The following TTC38 variants were observed in gnomAD, a reference collection of about 807,000 sequenced individuals.
TTC38 encodes the protein tetratricopeptide repeat protein 38.
TTC38 carries 64 observed loss-of-function variants against 64.2 expected under a neutral mutation model. That is an observed-to-expected ratio of 1.00 (90% CI 0.81 to 1.23). The LOEUF is 1.23. TTC38 is among the 50% of genes most tolerant of loss of function. TTC38 has a pLI of 0.00. For synonymous variants in TTC38, 254 were observed against 249.3 expected (o/e 1.02, Z -0.18); for missense variants, 573 against 615.5 (o/e 0.93, Z 0.73).
In TTC38 at chr22:46,268,027, G is replaced by C. The variant is rs1936797763; in HGVS notation, c.-13G>C. 2.0e-6 allele frequency: 3 copies of C among 1,534,842 alleles called. No individual in the cohort carries two copies. The highest frequency in any genetic ancestry group is 2.8e-5 in the African/African-American group (2 of 71,306). On this transcript the variant is annotated 5_prime_UTR_variant, in exon 1 of 14. Transcript: ENST00000381031. ...GTGCCCAGAGCTCGCGGTGGACTCCGACCCGGCGCAACATGGCCGCAGCCT... is the reference window on the plus strand; with the variant it reads ...GTGCCCAGAGCTCGCGGTGGACTCCCACCCGGCGCAACATGGCCGCAGCCT...
At chr22:46,289,632 A>T in intron 12 of TTC38, 71 bp downstream of exon 12, 1 of 1,527,730 alleles carries the variant, frequency 6.5e-7, no homozygotes, top group Middle Eastern at 2.1e-4. Context: ...GCAGCCCCCA[A>T]GTTTCTCCCA....
intron 11 of TTC38, among the ~76,000 whole-genome samples, 198 bp downstream of exon 11, chr22:46,288,786 C>T (rs2077590674): frequency 6.6e-6 from 1 of 152,198 alleles, no homozygotes; most frequent in Non-Finnish European, 1.5e-5. Context: ...TGTGTACACC[C>T]ACAGCTGTAC....
In TTC38 at chr22:46,291,872, C is replaced by T. The variant is rs372878137; in HGVS notation, c.1317-919C>T. Among the ~76,000 whole-genome samples, 207 of 152,294 alleles carry T rather than the reference C, an allele frequency of 1.4e-3. No homozygotes were observed. Among genetic ancestry groups the T allele is most frequent in the African/African-American group, 4.7e-3 (194 of 41,560 alleles). ...TCGGGAGCCTGAGGCAGGAGAATCG[C>T]TTGAACCTGGGAGGTGGAGGTTGCA... On this transcript the variant is annotated intron_variant, in intron 13 of 13. Transcript: ENST00000381031. This position sits in a 1 kb window ranked among gnomAD's most constrained non-coding sequence, Gnocchi z 4.6.
chr22:46,290,117 C>T (rs995190374), intron 13 of TTC38, among the ~76,000 whole-genome samples: 1 of 152,236 alleles, frequency 6.6e-6, no homozygotes, highest in African/African-American at 2.4e-5. Context: ...CCACCCTTCC[C>T]AGCCCACTCC....
intron 5 of TTC38, among the ~76,000 whole-genome samples, chr22:46,277,438 C>G (rs866506365): frequency 6.6e-6 from 1 of 152,142 alleles, no homozygotes; most frequent in African/African-American, 2.4e-5. Context: ...AACCCCGTCT[C>G]TACTAAAAAT....
At position 46,289,491 on chromosome 22, in the gene TTC38, C is replaced by G. The variant is rs769595294; in HGVS notation, c.1172C>G (p.Pro391Arg). 6.2e-6 allele frequency: 10 copies of G among 1,608,712 alleles called. No individual in the cohort carries two copies. In the East Asian group the frequency reaches 2.0e-4, roughly 32 times the overall value. Residue 391 changes from proline (P) to arginine (R), a missense_variant, in exon 12 of 14, where the codon CCT (proline) becomes CGT (arginine). Around this residue, in one of 3 missense-constraint regions of TTC38, gnomAD observed 371 missense variants for 381.8 expected, o/e 0.97. Coordinates refer to ENST00000381031, the MANE Select transcript of TTC38 (RefSeq NM_017931.4). ...CTGGTGGAGGCTGAGGACGGGAACC[C>G]TGACCGCGTCCTGGAGCTGCTCCTG... ...QALVEAEDGNPDRVLELLLPI... is the reference protein window; with the variant it reads ...QALVEAEDGNRDRVLELLLPI...
Position 46,284,868 on chromosome 22 carries a change from C to CA in TTC38, c.796-351dup, listed in dbSNP as rs130641. On this transcript the variant is annotated intron_variant, in intron 8 of 13. Transcript: ENST00000381031. The stretch of plus-strand genomic sequence containing the variant: ...TGGGTGACAGAGTGAGACCCCATCT[C>CA]AAAAAAAAAAAAAAAAAAAAAAGAA... Among the ~76,000 whole-genome samples the CA allele has an allele frequency of 6.4e-3, 483 of 75,128 alleles. 4 individuals are homozygous for CA. The highest frequency in any genetic ancestry group is 0.013 in the African/African-American group (229 of 17,598). The allele number at this position is 75,128 out of a possible 152,430, so 49.3% of individuals were successfully genotyped here.
intron 6 of TTC38, chr22:46,280,201 AGCCAGG>A (rs2077523666): frequency 2.1e-6 from 1 of 470,986 alleles, no homozygotes; most frequent in Admixed American, 2.4e-5. Context: ...GGGTAGGAGG[AGCCAGG>A]GCAGGAGCAG....
At chr22:46,269,046 C>T (rs549544166) in intron 2 of TTC38, 158 of 384,270 alleles carry the variant, frequency 4.1e-4, no homozygotes, top group Middle Eastern at 2.2e-3. Flanking sequence ...CACATCTGTG[C>T]ACTTTGTACT....
intron 8 of TTC38, among the ~76,000 whole-genome samples, chr22:46,284,641 G>A (rs1259108560): frequency 6.6e-6 from 1 of 152,046 alleles, no homozygotes; most frequent in Non-Finnish European, 1.5e-5. Flanking sequence ...CACTTTGAGA[G>A]GCCAAGGCAG....
rs1569016082 is a variant in TTC38 at position 46,275,193 on chromosome 22, C to T, written c.366-55C>T. ...TGAGAAACAATGCCTCTTACACTCC[C>T]TGTGTGGGTGGACTATGTGTTCAGC... On this transcript the variant is annotated intron_variant, in intron 4 of 13. Transcript: ENST00000381031. The surrounding 1 kb of genome is among the most constrained non-coding windows in gnomAD (Gnocchi z 4.5). 3 of 1,532,748 alleles carry T rather than the reference C, an allele frequency of 2.0e-6. No individual in the cohort carries two copies. Among genetic ancestry groups the T allele is most frequent in the African/African-American group, 1.4e-5 (1 of 72,944 alleles). The allele number at this position is 1,532,748 out of a possible 1,614,324, so 94.9% of individuals were successfully genotyped here. A position where few individuals can be genotyped will look rare whatever the true frequency, so the allele number is the denominator to read the frequency against.
rs758531013 is a variant in TTC38 at position 46,268,038 on chromosome 22, A to G, written c.-2A>G. On this transcript the variant is annotated 5_prime_UTR_variant, in exon 1 of 14. Coordinates refer to ENST00000381031, the MANE Select transcript of TTC38 (RefSeq NM_017931.4). ...TCGCGGTGGACTCCGACCCGGCGCAACATGGCCGCAGCCTCGCCTCTGCGC... is the reference window on the plus strand; with the variant it reads ...TCGCGGTGGACTCCGACCCGGCGCAGCATGGCCGCAGCCTCGCCTCTGCGC... The G allele has an allele frequency of 2.4e-5, 37 of 1,540,966 alleles. No individual in the cohort carries two copies. Among genetic ancestry groups the G allele is most frequent in the Non-Finnish European group, 3.0e-5 (35 of 1,150,084 alleles).
chr22:46,288,875 C>T (rs538748773), intron 11 of TTC38, among the ~76,000 whole-genome samples: 2 of 152,234 alleles, frequency 1.3e-5, no homozygotes, highest in African/African-American at 2.4e-5. Context: ...GGCTGCCTCC[C>T]GTGGAGAGGA....
rs1937001992 is a variant in TTC38 at position 46,276,084 on chromosome 22, A to G, written c.539+663A>G. ...AATAGTTGTGAGGTTCGGACAGGTT[A>G]ATAAGCTGTATTATTTAGTCAGCAC... On this transcript the variant is annotated intron_variant, in intron 5 of 13. Transcript: ENST00000381031. This position sits in a 1 kb window ranked among gnomAD's most constrained non-coding sequence, Gnocchi z 4.7. 1.3e-5 allele frequency among the ~76,000 whole-genome samples: 2 copies of G among 151,606 alleles called. No homozygotes were observed. Among genetic ancestry groups the G allele is most frequent in the African/African-American group, 4.8e-5 (2 of 41,402 alleles).
At chr22:46,288,682 C>T in intron 11 of TTC38, 94 bp downstream of exon 11, 4 of 1,305,980 alleles carry the variant, frequency 3.1e-6, no homozygotes, top group Non-Finnish European at 4.2e-6. Context: ...CAGTGCCTGC[C>T]CCGCCTGTGA....
rs1458510487 is a variant in TTC38 at position 46,274,601 on chromosome 22, T to A, written c.365+532T>A. Among the ~76,000 whole-genome samples the A allele has an allele frequency of 6.6e-6, 1 of 152,204 alleles. No homozygotes were observed. The highest frequency in any genetic ancestry group is 2.4e-5 in the African/African-American group (1 of 41,456). On this transcript the variant is annotated intron_variant, in intron 4 of 13. Transcript: ENST00000381031. This position sits in a 1 kb window ranked among gnomAD's most constrained non-coding sequence, Gnocchi z 4.8. The stretch of plus-strand genomic sequence containing the variant: ...GCCGATTGTGCAGGGACTCAGGGAT[T>A]CCGAACCCTGAGACTGGGGAGGTGC...
intron 13 of TTC38, among the ~76,000 whole-genome samples, 174 bp downstream of exon 13, chr22:46,290,073 C>T (rs111620880): frequency 6.6e-6 from 1 of 152,186 alleles, no homozygotes; most frequent in South Asian, 2.1e-4. Context: ...TCAGTGTGAC[C>T]AAGTGGAGCC....
In TTC38 at chr22:46,291,927, G is replaced by A. The variant is rs2077619213; in HGVS notation, c.1317-864G>A. Among the ~76,000 whole-genome samples the A allele has an allele frequency of 6.6e-6, 1 of 152,210 alleles. No individual in the cohort carries two copies. Among genetic ancestry groups the A allele is most frequent in the East Asian group, 1.9e-4 (1 of 5,180 alleles). On this transcript the variant is annotated intron_variant, in intron 13 of 13. Coordinates refer to ENST00000381031, the MANE Select transcript of TTC38 (RefSeq NM_017931.4). This position sits in a 1 kb window ranked among gnomAD's most constrained non-coding sequence, Gnocchi z 4.6. ...GCCGAGATCGCGTCATTGCACTCCAGCCTGAGTGACCGAGGGAGATTCTAT... is the reference window on the plus strand; with the variant it reads ...GCCGAGATCGCGTCATTGCACTCCAACCTGAGTGACCGAGGGAGATTCTAT...
rs955033195 is a variant in TTC38 at position 46,276,751 on chromosome 22, C to T, written c.539+1330C>T. Among the ~76,000 whole-genome samples the T allele has an allele frequency of 2.2e-5, 3 of 137,348 alleles. No homozygotes were observed. Among genetic ancestry groups the T allele is most frequent in the African/African-American group, 2.8e-5 (1 of 35,824 alleles). The allele number at this position is 137,348 out of a possible 152,430, so 90.1% of individuals were successfully genotyped here. On this transcript the variant is annotated intron_variant, in intron 5 of 13. Coordinates refer to ENST00000381031, the MANE Select transcript of TTC38 (RefSeq NM_017931.4). This position sits in a 1 kb window ranked among gnomAD's most constrained non-coding sequence, Gnocchi z 4.7. ...ATATTAAAAAAATATATATAAAATA[C>T]ATATATTAAAAATATATATTAAATA...
Sources: gnomAD v4.1 joint callset for allele counts (sites outside exome capture counted in the v4.1 genomes callset) on GRCh38, gnomAD v4.1.1 for gene constraint, gnomAD v4.1.1 regional missense constraint, Gnocchi (gnomAD v3.1) non-coding constraint, MANE v1.5 for transcripts, NCBI Gene and HGNC (gene_info 2026-07-23, HGNC 2026-07-21) for gene names.